Variants in HUWE1 observed in about 807,000 individuals in gnomAD.
HUWE1 encodes E3 ubiquitin-protein ligase HUWE1.
Under a neutral mutation model 299.4 loss-of-function variants are expected in HUWE1, and 18 were observed. That is an observed-to-expected ratio of 0.06 (90% CI 0.04 to 0.09). HUWE1 has a LOEUF of 0.09. HUWE1 is among the 10% of genes least tolerant of loss of function. The probability of loss-of-function intolerance (pLI) is 1.00; values close to 1 mark genes in which losing one functional copy is unlikely to be tolerated. For synonymous variants in HUWE1, 1,317 were observed against 1,286.1 expected, an observed-to-expected ratio of 1.02 and a Z score of -0.51; for missense variants, 1,832 against 3,462.3, an observed-to-expected ratio of 0.53 and a Z score of 11.82.
At chrX:53,581,685 A>C (rs1329685526) in intron 42 of HUWE1, among the ~76,000 whole-genome samples, 1 of 111,697 alleles carries the variant, frequency 9.0e-6, no homozygotes, top group East Asian at 2.8e-4. Context: ...TTTAAACCAA[A>C]TCAATCATGC....
In HUWE1 at chrX:53,615,765, A is replaced by G. The variant is rs1557006851; in HGVS notation, c.2028T>C (p.Asp676=). Residue 676 remains aspartate (D), a synonymous_variant, in exon 22 of 84, where the codon GAT becomes GAC. Transcript: ENST00000262854. ...LMRHQPTLKT[D]ATTAIIKLLE... ...CTACCTTGATGATGGCAGTCGTTGC[A>G]TCTGTTTTAAGGGTGGGCTGATGTC... 1 of 1,207,847 alleles carries G rather than the reference A, an allele frequency of 8.3e-7. No individual in the cohort carries two copies. The highest frequency in any genetic ancestry group is 1.1e-6 in the Non-Finnish European group (1 of 892,388).
chrX:53,548,907 C>A (rs1228027091), intron 67 of HUWE1, 52 bp downstream of exon 67: 1 of 1,070,759 alleles, frequency 9.3e-7, no homozygotes, highest in Non-Finnish European at 1.3e-6. Context: ...TTCACCCAGG[C>A]TCTTGCTGCC....
intron 43 of HUWE1, among the ~76,000 whole-genome samples, chrX:53,578,498 C>T (rs1341150464): frequency 2.1e-5 from 2 of 95,729 alleles, no homozygotes; most frequent in African/African-American, 3.9e-5. Context: ...GGTCAGCCCC[C>T]GGCCCGGCCA....
intron 43 of HUWE1, among the ~76,000 whole-genome samples, chrX:53,579,177 G>A (rs1300428335): frequency 8.2e-5 from 2 of 24,505 alleles, no homozygotes; most frequent in Non-Finnish European, 1.4e-4. Flanking sequence ...CCGGCCAGCC[G>A]CCCCGTCCGG....
At chrX:53,631,277 G>C in intron 11 of HUWE1, 137 bp downstream of exon 11, 1 of 534,007 alleles carries the variant, frequency 1.9e-6, no homozygotes, top group Non-Finnish European at 3.2e-6. Context: ...CTAAGGCTCA[G>C]AGAAGCTAAC....
In HUWE1 at chrX:53,549,418, T is replaced by A. The variant is rs141901327; in HGVS notation, c.9576A>T (p.Leu3192=). The stretch of plus-strand genomic sequence containing the variant: ...TGAGCTTTGGCTCATCCACAAAAAG[T>A]AGGACCAAGAGACAAGAAAGGGCTT... The part of the protein sequence containing the change: ...DHEALSCLLV[L]LFVDEPKLNT... The change falls in exon 67 of 84, where the codon CTA becomes CTT. Residue 3192 remains leucine (L), a synonymous_variant. Transcript: ENST00000262854. The A allele has an allele frequency of 6.8e-5, 82 of 1,209,177 alleles. No individual in the cohort carries two copies. The Middle Eastern group carries it at 6.9e-4, about 10-fold the overall frequency.
chrX:53,647,712 A>G, intron 5 of HUWE1, 138 bp from the exon 6 acceptor site: 1 of 539,199 alleles, frequency 1.9e-6, no homozygotes, highest in Admixed American at 2.5e-5. Flanking sequence ...CCATATGAGA[A>G]AGATCATACT....
chrX:53,627,540 G>A, intron 16 of HUWE1, 25 bp from the exon 17 acceptor site: 3 of 971,046 alleles, frequency 3.1e-6, no homozygotes, highest in Non-Finnish European at 4.4e-6. Context: ...AAGGTTATAA[G>A]AAAATCAAGT....
intron 6 of HUWE1, among the ~76,000 whole-genome samples, chrX:53,645,767 A>G (rs2067986090): frequency 1.2e-5 from 1 of 81,635 alleles, no homozygotes; most frequent in African/African-American, 4.6e-5. Context: ...ATATATATAT[A>G]TATATATATG....
chrX:53,657,670 C>T (rs913776923), intron 3 of HUWE1, among the ~76,000 whole-genome samples: 2 of 112,033 alleles, frequency 1.8e-5, no homozygotes, highest in Non-Finnish European at 3.8e-5. Flanking sequence ...CATGATCATA[C>T]ATGCAGAAAA....
intron 4 of HUWE1, among the ~76,000 whole-genome samples, chrX:53,651,640 A>T (rs2068479566): frequency 9.0e-6 from 1 of 111,556 alleles, no homozygotes; most frequent in African/African-American, 3.3e-5. Context: ...TTTACTATCC[A>T]GTTGGTTCCA....
chrX:53,605,519 T>C (rs1229112889), intron 25 of HUWE1, among the ~76,000 whole-genome samples: 4 of 112,590 alleles, frequency 3.6e-5, no homozygotes, highest in Non-Finnish European at 7.5e-5. Flanking sequence ...GTCACAATTA[T>C]GGATCTTTCC....
chrX:53,602,775 G>A, intron 27 of HUWE1, 117 bp from the exon 28 acceptor site: 1 of 422,965 alleles, frequency 2.4e-6, no homozygotes, highest in Non-Finnish European at 4.1e-6. Flanking sequence ...TCCTATAGCA[G>A]GCAGGTTAAA....
At chrX:53,652,889 C>T (rs1247688717) in intron 4 of HUWE1, among the ~76,000 whole-genome samples, 5 of 112,594 alleles carry the variant, frequency 4.4e-5, no homozygotes, top group East Asian at 5.5e-4. Context: ...TAGTACAATG[C>T]TAAATGAAAA....
At chrX:53,684,246 T>C in intron 2 of HUWE1, 1 of 176,849 alleles carries the variant, frequency 5.7e-6, no homozygotes, top group Non-Finnish European at 1.1e-5. Flanking sequence ...CGAGACCTTC[T>C]TAATTCACCG....
intron 4 of HUWE1, among the ~76,000 whole-genome samples, chrX:53,651,117 C>T (rs1195629943): frequency 3.6e-5 from 4 of 110,364 alleles, no homozygotes; most frequent in Non-Finnish European, 7.6e-5. Flanking sequence ...ATATTTTCCC[C>T]AGCTTGTCAT....
intron 43 of HUWE1, among the ~76,000 whole-genome samples, chrX:53,577,522 C>CCT (rs1484871911): frequency 2.8e-4 from 23 of 80,735 alleles, no homozygotes; most frequent in African/African-American, 9.7e-4. Flanking sequence ...TCTCCCTCTC[C>CCT]CTCCCTCTCC....
intron 3 of HUWE1, among the ~76,000 whole-genome samples, chrX:53,673,293 T>A (rs2069649699): frequency 9.0e-6 from 1 of 111,611 alleles, no homozygotes. Context: ...TGTTTACCTA[T>A]ACAGGTTAAG....
Position 53,562,902 on chromosome X carries a change from T to C in HUWE1, c.7133A>G (p.Gln2378Arg), listed in dbSNP as rs1556942580. 8.3e-7 allele frequency: 1 copy of C among 1,210,449 alleles called. No individual in the cohort carries two copies. Among genetic ancestry groups the C allele is most frequent in the Non-Finnish European group, 1.1e-6 (1 of 894,330 alleles). ...AGCTTCATCCATCAGCACGTCCTCT[T>C]GTGATTCATCCTCTCCACTTCTGCT... ...IVSRSGEDES[Q>R]EDVLMDEAPS... Residue 2378 changes from glutamine (Q) to arginine (R), a missense_variant, in exon 53 of 84, where the codon CAA becomes CGA. Physicochemically the swap from Gln to Arg is conservative, Grantham distance 43. Around this residue, in one of 15 missense-constraint regions of HUWE1, gnomAD observed 170 missense variants for 335.8 expected, o/e 0.51. Transcript: ENST00000262854.
Sources: allele counts gnomAD v4.1 joint callset (sites outside exome capture counted in the v4.1 genomes callset), GRCh38; gene constraint gnomAD v4.1.1; regional missense constraint gnomAD v4.1.1; transcripts MANE v1.5; gene names NCBI Gene and HGNC (gene_info 2026-07-23, HGNC 2026-07-21).